LRGUK: variants seen among roughly 807,000 people sequenced by gnomAD.
LRGUK encodes leucine-rich repeat and guanylate kinase domain-containing protein.
LRGUK carries 65 observed loss-of-function variants against 76.0 expected under a neutral mutation model. That is an observed-to-expected ratio of 0.85 (90% CI 0.70 to 1.05). The LOEUF (loss-of-function observed/expected upper bound fraction) is 1.05, where lower values mean the gene tolerates loss of function less well. LRGUK is among the 50% of genes least tolerant of loss of function. LRGUK has a pLI of 0.00. For missense variants in LRGUK, 758 were observed against 732.8 expected, an observed-to-expected ratio of 1.03 and a Z score of -0.40; for synonymous variants, 268 against 265.6, an observed-to-expected ratio of 1.01 and a Z score of -0.09.
At position 134,222,599 on chromosome 7, in the gene LRGUK, G is replaced by T. The variant is rs557544813; in HGVS notation, c.1983+681G>T. Among the ~76,000 whole-genome samples, 5 of 151,134 alleles carry T rather than the reference G, an allele frequency of 3.3e-5. 1 individual carries two copies. The South Asian group carries it at 1.0e-3, about 32-fold the overall frequency. ...AGGCTAGCCTGTTTTTGTTTGTTTT[G>T]TTTTGTTTTTGTTTTGTTTTTTTTT... is the stretch of plus-strand genomic sequence containing the variant. On this transcript the variant is annotated intron_variant, in intron 16 of 19. Transcript: ENST00000285928.
intron 16 of LRGUK, 60 bp from the exon 17 acceptor site, chr7:134,247,496 G>A: frequency 8.1e-7 from 1 of 1,238,112 alleles, no homozygotes; most frequent in South Asian, 1.2e-5. Context: ...TATTATAGAT[G>A]TTTTAATCAT....
At chr7:134,174,031 C>T (rs7807968) in intron 7 of LRGUK, among the ~76,000 whole-genome samples, 23,870 of 151,316 alleles carry the variant, frequency 0.16, 2,618 homozygotes, top group East Asian at 0.38. Flanking sequence ...ATCACTTGAA[C>T]CAGGGAGTCG....
the LRGUK span, among the ~76,000 whole-genome samples, chr7:134,271,483 G>C: frequency 6.6e-6 from 1 of 151,792 alleles, no homozygotes; most frequent in African/African-American, 2.4e-5. Context: ...TGTATGATGT[G>C]AGATAGGATT....
chr7:134,146,437 C>G (rs1009573233), intron 4 of LRGUK, among the ~76,000 whole-genome samples: 3 of 152,000 alleles, frequency 2.0e-5, no homozygotes, highest in Non-Finnish European at 2.9e-5. Flanking sequence ...AAGCTTATTC[C>G]TAGTTTATTA....
chr7:134,212,411 AAAT>A (rs946412269), downstream of LRGUK, among the ~76,000 whole-genome samples: 7 of 152,258 alleles, frequency 4.6e-5, no homozygotes, highest in African/African-American at 1.7e-4. Context: ...TCATATTTAA[AAAT>A]GTAACTGATG....
chr7:134,191,741 T>C (rs1324911447), exon 12 of LRGUK: 2 of 1,604,736 alleles, frequency 1.2e-6, no homozygotes, highest in Non-Finnish European at 1.7e-6. Context: ...TTTGATGAAA[T>C]GGTGAACATG....
Position 134,130,194 on chromosome 7 carries a change from T to C in LRGUK, c.297+2530T>C, listed in dbSNP as rs543475335. 3.9e-4 allele frequency among the ~76,000 whole-genome samples: 60 copies of C among 152,368 alleles called. 1 individual carries two copies. In the South Asian group the frequency reaches 0.012, roughly 31 times the overall value. On this transcript the variant is annotated intron_variant, in intron 1 of 15. Transcript: ENST00000645682. ...ATTCGTTATTACTTCTTTTGTCTTT[T>C]GTTGGTTTACTTTGCTATCTTTAAC...
chr7:134,150,840 G>A lies in LRGUK; in HGVS notation c.670+2521G>A, dbSNP rs182324484. 1.3e-4 allele frequency among the ~76,000 whole-genome samples: 20 copies of A among 149,556 alleles called. 1 individual carries two copies. In the East Asian group the frequency reaches 3.8e-3, roughly 28 times the overall value. On this transcript the variant is annotated intron_variant, in intron 5 of 15. Transcript: ENST00000645682. ...AAGGAATTAGGGTTTTTTTTTTCTT[G>A]ACATTAGATGTAGCAATTGAGTCAT...
At chr7:134,145,255 C>T (rs79859491) in intron 4 of LRGUK, among the ~76,000 whole-genome samples, 19,449 of 150,402 alleles carry the variant, frequency 0.13, 1,559 homozygotes, top group East Asian at 0.32. Context: ...CTTTTCTTTT[C>T]TTTTTTTTTA....
Position 134,263,964 on chromosome 7 carries a change from G to A in LRGUK, c.2467G>A (p.Gly823Ser), listed in dbSNP as rs370903772. 3.1e-6 allele frequency: 5 copies of A among 1,609,642 alleles called. No homozygotes were observed. In the African/African-American group the frequency reaches 6.7e-5, roughly 22 times the overall value. ...ACCCACCCTCCCTCCAATCCCTCAG[G>A]GCCGCAGGTAGACTAGCACTTGATG... is the stretch of plus-strand genomic sequence containing the variant. Residue 823 changes from glycine to serine, a missense_variant, in exon 20 of 20, where the codon GGC becomes AGC. Transcript: ENST00000285928.
At chr7:134,230,111 G>A (rs1402201948) in intron 16 of LRGUK, among the ~76,000 whole-genome samples, 1 of 151,980 alleles carries the variant, frequency 6.6e-6, no homozygotes, top group African/African-American at 2.4e-5. Flanking sequence ...ACAGAGAGTG[G>A]GGAGATATTT....
At chr7:134,137,909 G>T (rs1194631358) in intron 2 of LRGUK, among the ~76,000 whole-genome samples, 2 of 152,076 alleles carry the variant, frequency 1.3e-5, no homozygotes, top group Non-Finnish European at 2.9e-5. Flanking sequence ...TGGCGAAAGG[G>T]TATGTAATTC....
At chr7:134,185,938 AAT>A (rs538965465) in intron 11 of LRGUK, among the ~76,000 whole-genome samples, 1,772 of 152,344 alleles carry the variant, frequency 0.012, 25 homozygotes, top group African/African-American at 0.035. Context: ...TTAGAATAAA[AAT>A]ATAGAGTACA....
intron 4 of LRGUK, among the ~76,000 whole-genome samples, chr7:134,145,231 G>A: frequency 6.6e-6 from 1 of 151,942 alleles, no homozygotes; most frequent in East Asian, 1.9e-4. Flanking sequence ...GCCTCCTGGT[G>A]TATGTTTTCT....
At chr7:134,129,854 C>A (rs942539629) in intron 1 of LRGUK, among the ~76,000 whole-genome samples, 1 of 152,066 alleles carries the variant, frequency 6.6e-6, no homozygotes, top group Admixed American at 6.6e-5. Context: ...TCACAGTCAC[C>A]TTTTCTCTTT....
At chr7:134,238,249 A>C (rs1303604770) in intron 16 of LRGUK, among the ~76,000 whole-genome samples, 6 of 150,938 alleles carry the variant, frequency 4.0e-5, no homozygotes, top group Non-Finnish European at 1.5e-5. Flanking sequence ...ATATTTCCTG[A>C]GTTCTTGTAT....
intron 7 of LRGUK, among the ~76,000 whole-genome samples, chr7:134,169,287 G>C (rs1318870624): frequency 6.6e-6 from 1 of 152,148 alleles, no homozygotes; most frequent in Non-Finnish European, 1.5e-5. Flanking sequence ...CTGGAAGCTG[G>C]AGAAGGTAGG....
chr7:134,129,892 C>T (rs1585404806), intron 1 of LRGUK, among the ~76,000 whole-genome samples: 1 of 152,244 alleles, frequency 6.6e-6, no homozygotes, highest in East Asian at 1.9e-4. Context: ...TGTGTTATGC[C>T]TGTTCCCTTT....
intron 19 of LRGUK, among the ~76,000 whole-genome samples, chr7:134,262,171 C>G (rs958035012): frequency 6.6e-6 from 1 of 152,004 alleles, no homozygotes; most frequent in Non-Finnish European, 1.5e-5. Context: ...GTCAGGCATT[C>G]GAGACCAGTC....
Sources: allele counts gnomAD v4.1 joint callset (sites outside exome capture counted in the v4.1 genomes callset), GRCh38; gene constraint gnomAD v4.1.1; transcripts MANE v1.5; gene names NCBI Gene and HGNC (gene_info 2026-07-23, HGNC 2026-07-21).